The following TRIM37 variants were observed in gnomAD, a reference collection of about 807,000 sequenced individuals.
TRIM37 encodes tripartite motif containing 37, also known as E3 ubiquitin-protein ligase TRIM37.
A neutral mutation model predicts 129.8 loss-of-function variants in TRIM37; 80 were observed. The ratio of observed to expected loss-of-function variants is 0.62; its 90% CI spans 0.51 to 0.74. The LOEUF is 0.74. Ranked by LOEUF, TRIM37 falls within the 30% of genes least tolerant of loss-of-function variation. TRIM37 has a pLI of 0.00. For synonymous variants in TRIM37, 389 were observed against 387.1 expected (o/e 1.00, Z -0.06); for missense variants, 1,054 against 1,176.5 (o/e 0.90, Z 1.52).
intron 7 of TRIM37, among the ~76,000 whole-genome samples, chr17:59,077,809 CA>C (rs36007655): frequency 6.6e-4 from 47 of 71,334 alleles, no homozygotes; most frequent in East Asian, 8.3e-4. Context: ...GACTCCATCT[CA>C]AAAAAAAAAA....
chr17:59,097,739 T>C (rs1235467473), intron 2 of TRIM37, among the ~76,000 whole-genome samples: 1 of 151,462 alleles, frequency 6.6e-6, no homozygotes, highest in Non-Finnish European at 1.5e-5. Flanking sequence ...CTCAAAACAA[T>C]AAAAAACAAA....
At chr17:59,011,190 GA>G (rs1263369150) in intron 22 of TRIM37, among the ~76,000 whole-genome samples, 1 of 150,774 alleles carries the variant, frequency 6.6e-6, no homozygotes, top group Non-Finnish European at 1.5e-5. Flanking sequence ...AAAAACAACA[GA>G]AAAAGAAAGT....
rs780821826 is a variant in TRIM37 at position 59,017,384 on chromosome 17, G to A, written c.2298C>T (p.Ser766=). 1 of 1,614,092 alleles carries A rather than the reference G, an allele frequency of 6.2e-7. No individual in the cohort carries two copies. Among genetic ancestry groups the A allele is most frequent in the East Asian group, 2.2e-5 (1 of 44,882 alleles). ...GAAGTGATAGACTACCTGCTACACT[G>A]GATCGAGCTGGCTTGGGCGAATTAC... ...KKSNSPKPAR[S]SVAGSLSLRR... Residue 766 remains serine, a synonymous_variant, in exon 20 of 24, where the codon TCC becomes TCT. Transcript: ENST00000262294.
intron 2 of TRIM37, among the ~76,000 whole-genome samples, chr17:59,098,341 C>T (rs543892390): frequency 2.2e-4 from 33 of 152,110 alleles, no homozygotes; most frequent in African/African-American, 7.2e-4. Flanking sequence ...TACTTAATGC[C>T]GCTAAACAGT....
rs148406535 is a variant in TRIM37 at position 59,076,827 on chromosome 17, T to A, written c.617-1113A>T. On this transcript the variant is annotated intron_variant, in intron 7 of 23. Coordinates refer to ENST00000262294, the MANE Select transcript of TRIM37 (RefSeq NM_015294.6). ...TTTTGAGATGGGGTTTCACTCTTGT[T>A]GCCCAGGCTAGAATGCAATGGCACG... Among the ~76,000 whole-genome samples the A allele has an allele frequency of 2.4e-3, 367 of 152,248 alleles. 2 individuals are homozygous for A. The highest frequency in any genetic ancestry group is 8.5e-3 in the African/African-American group (353 of 41,544).
chr17:59,093,253 AT>A (rs945145466), intron 2 of TRIM37, among the ~76,000 whole-genome samples: 13 of 152,118 alleles, frequency 8.5e-5, no homozygotes, highest in South Asian at 4.1e-4. Flanking sequence ...CAAAAACGAA[AT>A]TTGGGTCAGG....
chr17:59,006,283 A>C (rs2034471167), intron 22 of TRIM37, among the ~76,000 whole-genome samples: 1 of 152,210 alleles, frequency 6.6e-6, no homozygotes, highest in South Asian at 2.1e-4. Flanking sequence ...AATTGTAAGG[A>C]GCTTCAGAGA....
downstream of TRIM37, among the ~76,000 whole-genome samples, chr17:58,995,751 T>C (rs994569662): frequency 6.6e-6 from 1 of 152,178 alleles, no homozygotes; most frequent in African/African-American, 2.4e-5. Flanking sequence ...GAGTTTTGGC[T>C]GGGCGCAGTG....
At chr17:59,019,854 T>C (rs1003993801) in intron 19 of TRIM37, among the ~76,000 whole-genome samples, 3 of 152,178 alleles carry the variant, frequency 2.0e-5, no homozygotes, top group African/African-American at 7.2e-5. Flanking sequence ...TTCTTAGACT[T>C]AGATAAATGT....
In TRIM37 at chr17:58,990,820, G is replaced by GA. The variant is rs954244900; in HGVS notation, c.2892-7900dup. On this transcript the variant is annotated intron_variant, in intron 24 of 24. Coordinates refer to the TRIM37 transcript ENST00000393066. ...AAAAAAAAAAGAAAGAAAGGAAAAAGAAAAAAAAAAATCAGAGCACACCAA... is the reference window on the plus strand; with the variant it reads ...AAAAAAAAAAGAAAGAAAGGAAAAAGAAAAAAAAAAAATCAGAGCACACCAA... 2.3e-3 allele frequency among the ~76,000 whole-genome samples: 324 copies of GA among 138,620 alleles called. 1 individual carries two copies. Among genetic ancestry groups the GA allele is most frequent in the African/African-American group, 4.0e-3 (150 of 37,870 alleles). The allele number at this position is 138,620 out of a possible 152,430, so 90.9% of individuals were successfully genotyped here.
chr17:58,983,795 T>C (rs1023330457), intron 24 of TRIM37: 2 of 152,646 alleles, frequency 1.3e-5, no homozygotes, highest in African/African-American at 4.8e-5. Flanking sequence ...ATCAATCTGT[T>C]TGCCTGCTAA....
At chr17:59,071,077 G>C in intron 8 of TRIM37, 130 bp from the exon 9 acceptor site, 1 of 1,032,174 alleles carries the variant, frequency 9.7e-7, no homozygotes, top group East Asian at 2.7e-5. Flanking sequence ...AAGTGAGCTT[G>C]AGAATTAAGA....
chr17:59,049,319 T>C lies in TRIM37; in HGVS notation c.1389A>G (p.Gln463=), dbSNP rs2146135119. 1.9e-6 allele frequency: 3 copies of C among 1,614,198 alleles called. No homozygotes were observed. Among genetic ancestry groups the C allele is most frequent in the Non-Finnish European group, 8.5e-7 (1 of 1,180,050 alleles). ...CTCGTGTCTCCAGAGCATCATCATT[T>C]TGGGGGCTAAGATGGTTATCTGGTG... is the stretch of plus-strand genomic sequence containing the variant. ...LSPPDNHLSP[Q]NDDALETRAK... is the part of the protein sequence containing the mutation. The change falls in exon 15 of 24, where the codon CAA becomes CAG. Residue 463 remains glutamine (Q), a synonymous_variant. Coordinates refer to ENST00000262294, the MANE Select transcript of TRIM37 (RefSeq NM_015294.6).
rs1318780952 is a variant in TRIM37 at position 59,047,691 on chromosome 17, T to C, written c.1659A>G (p.Glu553=). 1.9e-6 allele frequency: 3 copies of C among 1,613,346 alleles called. No individual in the cohort carries two copies. The highest frequency in any genetic ancestry group is 1.3e-5 in the African/African-American group (1 of 74,938). ...TAAAGTGGGAAACTCACATAGTTTC[T>C]TCATCAATATCATTTTCTTCTGTAT... The part of the protein sequence containing the change: ...TSNTEENDID[E]ETMSGENDVE... The change falls in exon 16 of 24, where the codon GAA becomes GAG. Residue 553 remains glutamate, a synonymous_variant. Coordinates refer to ENST00000262294, the MANE Select transcript of TRIM37 (RefSeq NM_015294.6).
intron 24 of TRIM37, chr17:58,983,065 G>A: frequency 1.4e-6 from 1 of 728,480 alleles, no homozygotes; most frequent in South Asian, 2.1e-5. Flanking sequence ...AGGGTAAAGG[G>A]AAAAAGTTAC....
downstream of TRIM37, among the ~76,000 whole-genome samples, chr17:58,979,085 T>G (rs1425341605): frequency 6.6e-6 from 1 of 152,214 alleles, no homozygotes; most frequent in Non-Finnish European, 1.5e-5. Flanking sequence ...GATGTCATTC[T>G]GTGAGAGGAC....
intron 19 of TRIM37, among the ~76,000 whole-genome samples, chr17:59,026,417 T>C (rs966779166): frequency 6.6e-6 from 1 of 152,148 alleles, no homozygotes; most frequent in African/African-American, 2.4e-5. Context: ...TAAAATGGGC[T>C]TCTTCAAATT....
the TRIM37 span, chr17:58,972,740 C>A: frequency 1.1e-5 from 12 of 1,125,172 alleles, no homozygotes; most frequent in East Asian, 2.4e-4. Flanking sequence ...TTTTCATGAG[C>A]TGATGAGTAT....
intron 2 of TRIM37, among the ~76,000 whole-genome samples, chr17:59,097,236 G>A (rs2044981416): frequency 6.6e-6 from 1 of 152,122 alleles, no homozygotes; most frequent in Non-Finnish European, 1.5e-5. Context: ...AGACAAGGAT[G>A]CCAGCTTTTA....
Sources: gnomAD v4.1 joint callset for allele counts (sites outside exome capture counted in the v4.1 genomes callset) on GRCh38, gnomAD v4.1.1 for gene constraint, MANE v1.5 for transcripts, NCBI Gene and HGNC (gene_info 2026-07-23, HGNC 2026-07-21) for gene names.